Variants in KLF12 observed in about 807,000 individuals in gnomAD.
KLF12 encodes the protein KLF transcription factor 12, also known as Krueppel-like factor 12.
A neutral mutation model predicts 37.8 loss-of-function variants in KLF12; 9 were observed. That is an observed-to-expected ratio of 0.24 (90% confidence interval 0.14 to 0.42). The LOEUF is 0.42. KLF12 is among the 10% of genes least tolerant of loss of function. The probability of loss-of-function intolerance (pLI) is 1.00; values close to 1 mark genes in which losing one functional copy is unlikely to be tolerated. For missense variants in KLF12, 411 were observed against 516.0 expected, an observed-to-expected ratio of 0.80 and a Z score of 1.97; for synonymous variants, 208 against 202.1, an observed-to-expected ratio of 1.03 and a Z score of -0.25.
the KLF12 span, among the ~76,000 whole-genome samples, chr13:74,287,349 TGAGAGA>T: frequency 9.4e-3 from 678 of 71,864 alleles, 3 homozygotes; most frequent in Non-Finnish European, 0.01. Flanking sequence ...CTATCAAAGT[TGAGAGA>T]GAGAGAGAGA....
In KLF12 at chr13:73,797,796, A is replaced by G. The variant is rs74098404; in HGVS notation, c.806+15356T>C. Among the ~76,000 whole-genome samples the G allele has an allele frequency of 1.8e-3, 259 of 147,878 alleles. 4 individuals carry two copies. The highest frequency in any genetic ancestry group is 6.1e-3 in the African/African-American group (244 of 40,058). Reference sequence around the variant, plus strand: ...AAAAAAAAAAAAAAAAAAAAAAAGCATTACATTTTTTAATCCTAAACTTAG... The same window carrying G: ...AAAAAAAAAAAAAAAAAAAAAAAGCGTTACATTTTTTAATCCTAAACTTAG... On this transcript the variant is annotated intron_variant, in intron 5 of 7. Transcript: ENST00000377669.
chr13:73,937,940 A>G (rs1890023154), intron 3 of KLF12, among the ~76,000 whole-genome samples: 1 of 152,238 alleles, frequency 6.6e-6, no homozygotes, highest in South Asian at 2.1e-4. Context: ...CACATTAGCC[A>G]TAACACAGCA....
chr13:73,745,570 CAT>C (rs1463361490), intron 6 of KLF12, among the ~76,000 whole-genome samples: 5 of 152,248 alleles, frequency 3.3e-5, no homozygotes, highest in African/African-American at 1.2e-4. Context: ...AAAAGTATCA[CAT>C]GTGATAATTA....
chr13:74,192,138 A>G, the KLF12 span, among the ~76,000 whole-genome samples: 2 of 152,108 alleles, frequency 1.3e-5, no homozygotes, highest in Non-Finnish European at 2.9e-5. Context: ...AGAAGAACCA[A>G]TCAAGAGGAG....
At chr13:73,985,779 G>A (rs368403672) in intron 2 of KLF12, among the ~76,000 whole-genome samples, 118 of 152,152 alleles carry the variant, frequency 7.8e-4, no homozygotes, top group Non-Finnish European at 1.4e-3. Context: ...GTGTGAAGAC[G>A]GATGAAAAGA....
chr13:73,963,228 G>C (rs1891071995), intron 2 of KLF12, among the ~76,000 whole-genome samples: 1 of 151,688 alleles, frequency 6.6e-6, no homozygotes, highest in Admixed American at 6.6e-5. Context: ...TATTGGGATA[G>C]AAAAATCAAA....
chr13:73,979,347 G>T (rs1891627840), intron 2 of KLF12, among the ~76,000 whole-genome samples: 1 of 111,652 alleles, frequency 9.0e-6, no homozygotes, highest in Admixed American at 1.0e-4. Context: ...AAAACAGTCT[G>T]CTTTTAAACA....
At chr13:73,765,055 ATTT>A in intron 5 of KLF12, 55 bp from the exon 6 acceptor site, 1 of 1,037,970 alleles carries the variant, frequency 9.6e-7, no homozygotes, top group Admixed American at 2.2e-5. Flanking sequence ...CCAATTGCAA[ATTT>A]AAAAAAATGG....
At chr13:73,937,049 G>C (rs568816125) in intron 3 of KLF12, among the ~76,000 whole-genome samples, 1 of 152,196 alleles carries the variant, frequency 6.6e-6, no homozygotes, top group African/African-American at 2.4e-5. Flanking sequence ...AATTAGCCAG[G>C]CATGGTGGCA....
At chr13:73,878,353 C>T (rs1051510581) in intron 3 of KLF12, among the ~76,000 whole-genome samples, 3 of 152,126 alleles carry the variant, frequency 2.0e-5, no homozygotes, top group African/African-American at 7.2e-5. Context: ...GACATAAAAT[C>T]TAACCTTAAA....
intron 6 of KLF12, among the ~76,000 whole-genome samples, chr13:73,726,759 A>G (rs1036930178): frequency 6.6e-6 from 1 of 152,200 alleles, no homozygotes; most frequent in Non-Finnish European, 1.5e-5. Flanking sequence ...CATTGTGAAC[A>G]GTTTTTGTGT....
At chr13:74,209,279 C>T in the KLF12 span, among the ~76,000 whole-genome samples, 19,353 of 151,546 alleles carry the variant, frequency 0.13, 1,480 homozygotes, top group African/African-American at 0.21. Context: ...TCTAAGTGTC[C>T]GAGGCTAACT....
chr13:73,872,350 A>C (rs1363457471), intron 3 of KLF12, among the ~76,000 whole-genome samples: 9 of 152,228 alleles, frequency 5.9e-5, no homozygotes. Flanking sequence ...TTTAAAAGGA[A>C]TGAAAAAAAT....
intron 5 of KLF12, among the ~76,000 whole-genome samples, chr13:73,795,399 C>G (rs1052439993): frequency 6.6e-6 from 1 of 152,194 alleles, no homozygotes; most frequent in Non-Finnish European, 1.5e-5. Flanking sequence ...CCTGTCTCCT[C>G]CACAAACCTA....
chr13:73,820,155 TG>T (rs1883444997), intron 4 of KLF12, among the ~76,000 whole-genome samples: 1 of 152,176 alleles, frequency 6.6e-6, no homozygotes, highest in South Asian at 2.1e-4. Flanking sequence ...TATCTCTGCC[TG>T]GAGCATAGTG....
At chr13:74,080,091 AT>A (rs1874791037) in intron 1 of KLF12, among the ~76,000 whole-genome samples, 1 of 152,192 alleles carries the variant, frequency 6.6e-6, no homozygotes, top group African/African-American at 2.4e-5. Context: ...CCTTGAAGAC[AT>A]TATGCTAAGT....
At chr13:74,298,180 T>C in the KLF12 span, among the ~76,000 whole-genome samples, 2 of 152,230 alleles carry the variant, frequency 1.3e-5, no homozygotes, top group African/African-American at 4.8e-5. Context: ...ATACATACTC[T>C]GTCACTACAG....
At chr13:73,704,842 T>C (rs1299378461) in intron 7 of KLF12, among the ~76,000 whole-genome samples, 5 of 152,168 alleles carry the variant, frequency 3.3e-5, no homozygotes, top group African/African-American at 9.7e-5. Flanking sequence ...CCTAACACAT[T>C]AGTGCTGTGT....
At chr13:74,188,479 A>T in the KLF12 span, among the ~76,000 whole-genome samples, 1 of 152,206 alleles carries the variant, frequency 6.6e-6, no homozygotes, top group Non-Finnish European at 1.5e-5. Context: ...AGTTGAAAAT[A>T]TAATTGAAAT....
Sources: allele counts gnomAD v4.1 joint callset (sites outside exome capture counted in the v4.1 genomes callset), GRCh38; gene constraint gnomAD v4.1.1; transcripts MANE v1.5; gene names NCBI Gene and HGNC (gene_info 2026-07-23, HGNC 2026-07-21).